Variants in CPB2 observed in about 807,000 individuals in gnomAD.
CPB2 encodes the protein carboxypeptidase B2.
CPB2 carries 54 observed loss-of-function variants against 57.0 expected under a neutral mutation model. That is an observed-to-expected ratio of 0.95 (90% confidence interval 0.76 to 1.19). CPB2 has a LOEUF of 1.19. CPB2 is among the 50% of genes most tolerant of loss of function. The probability of loss-of-function intolerance (pLI) is 0.00; values close to 1 mark genes in which losing one functional copy is unlikely to be tolerated. For synonymous variants in CPB2, 189 were observed against 178.1 expected (o/e 1.06, Z -0.49); for missense variants, 426 against 512.0 (o/e 0.83, Z 1.62).
intron 1 of CPB2, 114 bp from the exon 2 acceptor site, chr13:46,087,934 TATTAGGA>T: frequency 1.5e-6 from 1 of 652,594 alleles, no homozygotes; most frequent in East Asian, 2.7e-5. Context: ...TTTAAAATGT[TATTAGGA>T]CAGAGGATCT....
intron 9 of CPB2, among the ~76,000 whole-genome samples, chr13:46,056,086 TATAA>T (rs1397742465): frequency 8.6e-5 from 13 of 151,774 alleles, no homozygotes; most frequent in African/African-American, 2.2e-4. Context: ...AAATAATTTA[TATAA>T]ATAAATATAT....
At chr13:46,104,119 TG>T (rs201174025) in intron 1 of CPB2, among the ~76,000 whole-genome samples, 2,765 of 152,336 alleles carry the variant, frequency 0.018, 74 homozygotes, top group African/African-American at 0.062. Context: ...GGTGGTAGAA[TG>T]TTCCTTGTCA....
chr13:46,100,580 G>A (rs2045421919), intron 1 of CPB2: 1 of 152,160 alleles, frequency 6.6e-6, no homozygotes, highest in Non-Finnish European at 1.5e-5. Context: ...AGCCTAGTAG[G>A]GGGACTTCCA....
At chr13:46,099,060 A>C (rs1303498790) in intron 1 of CPB2, 1 of 152,236 alleles carries the variant, frequency 6.6e-6, no homozygotes, top group East Asian at 1.9e-4. Flanking sequence ...TAGTCAGAGA[A>C]TGGAGATATT....
chr13:46,089,975 A>AT (rs1286789255), intron 1 of CPB2, among the ~76,000 whole-genome samples: 3 of 152,232 alleles, frequency 2.0e-5, no homozygotes, highest in African/African-American at 7.2e-5. Flanking sequence ...ATTAGTGATT[A>AT]TAGCATAATC....
chr13:46,078,810 TAG>T lies in CPB2; in HGVS notation c.474_475del (p.Tyr159CysfsTer18). On this transcript the variant is annotated frameshift_variant, in exon 5 of 11. Transcript: ENST00000181383. LOFTEE classifies it high-confidence loss of function. ...TTCCCCACAACATACCTTTAAAACA[TAG>T]AGTGGGTACTTCTCAAATGAGGATC... 1 of 1,600,364 alleles carries T rather than the reference TAG, an allele frequency of 6.2e-7. No homozygotes were observed. Among genetic ancestry groups the T allele is most frequent in the Non-Finnish European group, 8.6e-7 (1 of 1,167,818 alleles).
chr13:46,062,504 T>C (rs1240421039), intron 8 of CPB2, among the ~76,000 whole-genome samples: 3 of 152,206 alleles, frequency 2.0e-5, no homozygotes, highest in Non-Finnish European at 4.4e-5. Flanking sequence ...GCCCCTGGCA[T>C]GTTATTAGTG....
intron 6 of CPB2, chr13:46,073,513 A>C: frequency 1.5e-5 from 15 of 978,898 alleles, no homozygotes; most frequent in Non-Finnish European, 1.8e-5. Context: ...CTGGATAATT[A>C]AAACCAAAAG....
At position 46,055,838 on chromosome 13, in the gene CPB2, G is replaced by T. The variant is rs201592309; in HGVS notation, c.1011C>A (p.Ala337=). Residue 337 remains alanine, a synonymous_variant, in exon 10 of 11, where the codon GCC becomes GCA. Coordinates refer to ENST00000181383, the MANE Select transcript of CPB2 (RefSeq NM_001872.5). ...SKDHEELSLV[A]SEAVRAIEKI... is the part of the protein sequence containing the mutation. ...TCTCAATAGCACGAACTGCTTCACT[G>T]GCTACTAGAGACTGGAAGCAACAAG... is the stretch of plus-strand genomic sequence containing the variant. 60 of 1,586,924 alleles carry T rather than the reference G, an allele frequency of 3.8e-5. No homozygotes were observed. Among genetic ancestry groups the T allele is most frequent in the Non-Finnish European group, 4.7e-5 (55 of 1,161,530 alleles).
intron 8 of CPB2, among the ~76,000 whole-genome samples, chr13:46,063,454 G>T (rs1053819111): frequency 1.3e-5 from 2 of 152,124 alleles, no homozygotes; most frequent in African/African-American, 2.4e-5. Context: ...ATTTACTTAG[G>T]ACAATGCCTT....
chr13:46,078,702 A>C, intron 5 of CPB2, 98 bp downstream of exon 5: 1 of 803,854 alleles, frequency 1.2e-6, no homozygotes, highest in Non-Finnish European at 2.1e-6. Context: ...AAATATTTTC[A>C]GAACTCAAAG....
chr13:46,087,148 TAGCTGCAGCGGGC>T (rs1207800612), intron 2 of CPB2, among the ~76,000 whole-genome samples: 1 of 152,142 alleles, frequency 6.6e-6, no homozygotes, highest in African/African-American at 2.4e-5. Flanking sequence ...TCCAGGTCTG[TAGCTGCAGCGGGC>T]AGCTGCAGCT....
chr13:46,074,871 G>A (rs553552451), intron 5 of CPB2, among the ~76,000 whole-genome samples: 17 of 152,320 alleles, frequency 1.1e-4, no homozygotes, highest in African/African-American at 3.6e-4. Context: ...TCCTTTGCAT[G>A]CGCGGTTCAC....
At chr13:46,063,149 A>C (rs1287966594) in intron 8 of CPB2, among the ~76,000 whole-genome samples, 1 of 152,158 alleles carries the variant, frequency 6.6e-6, no homozygotes, top group Non-Finnish European at 1.5e-5. Context: ...GTGAACTAAC[A>C]CCTACCCCCC....
At chr13:46,084,925 A>C (rs2045178193) in intron 2 of CPB2, among the ~76,000 whole-genome samples, 1 of 151,406 alleles carries the variant, frequency 6.6e-6, no homozygotes, top group Non-Finnish European at 1.5e-5. Flanking sequence ...ATCTTGGCTC[A>C]CTGCAAGCTC....
chr13:46,078,869 C>T lies in CPB2; in HGVS notation c.417G>A (p.Arg139=). 1.2e-6 allele frequency: 2 copies of T among 1,611,096 alleles called. No individual in the cohort carries two copies. Among genetic ancestry groups the T allele is most frequent in the South Asian group, 1.1e-5 (1 of 91,030 alleles). The change falls in exon 5 of 11, where the codon AGG becomes AGA. Residue 139 remains arginine (R), a synonymous_variant. Transcript: ENST00000181383. ...IYSWIEFITE[R]HPDMLTKIHI... Reference sequence around the variant, plus strand: ...GGATTTTTGTAAGCATATCAGGATGCCTCTCAGTTATAAATTCTATCCAAG... The same window carrying T: ...GGATTTTTGTAAGCATATCAGGATGTCTCTCAGTTATAAATTCTATCCAAG...
chr13:46,087,599 C>A, intron 2 of CPB2, 146 bp downstream of exon 2: 1 of 614,266 alleles, frequency 1.6e-6, no homozygotes, highest in African/African-American at 1.9e-5. Flanking sequence ...CCAACAAAAT[C>A]ATGTGATTAT....
At chr13:46,073,613 T>TTTTTTTTTTTTTTTTTTTTTTTG (rs1555309106) in intron 6 of CPB2, 1 of 253,690 alleles carries the variant, frequency 3.9e-6, no homozygotes, top group Non-Finnish European at 6.1e-6. Flanking sequence ...TACTATTTCT[T>TTTTTTTTTTTTTTTTTTTTTTTG]AATCATTTTC....
chr13:46,089,759 G>C (rs574760408), intron 1 of CPB2, among the ~76,000 whole-genome samples: 2 of 152,098 alleles, frequency 1.3e-5, no homozygotes, highest in Non-Finnish European at 2.9e-5. Flanking sequence ...TAGCGGGAAG[G>C]TTCTGTCTAT....
Sources: gnomAD v4.1 joint callset for allele counts (sites outside exome capture counted in the v4.1 genomes callset) on GRCh38, gnomAD v4.1.1 for gene constraint, MANE v1.5 for transcripts, NCBI Gene and HGNC (gene_info 2026-07-23, HGNC 2026-07-21) for gene names.